Variants in VDR observed in about 807,000 individuals in gnomAD.
The protein encoded by VDR is vitamin D3 receptor.
VDR carries 19 observed loss-of-function variants against 39.7 expected under a neutral mutation model. The ratio of observed to expected loss-of-function variants is 0.48; its 90% confidence interval spans 0.33 to 0.70. The LOEUF (loss-of-function observed/expected upper bound fraction) is 0.70, where lower values mean the gene tolerates loss of function less well. VDR is among the 30% of genes least tolerant of loss of function. The pLI, the probability that VDR is intolerant of heterozygous loss-of-function variation, is 0.02. For synonymous variants in VDR, 242 were observed against 215.8 expected (o/e 1.12, Z -1.07); for missense variants, 442 against 570.5 (o/e 0.77, Z 2.29).
rs770243189 is a variant in VDR, at chr12:47,865,092, C to A, written c.232G>T (p.Ala78Ser). The A allele has an allele frequency of 4.3e-6, 7 of 1,613,978 alleles. No homozygotes were observed. Among genetic ancestry groups the A allele is most frequent in the Non-Finnish European group, 5.9e-6 (7 of 1,179,834 alleles). The change falls in exon 4 of 10, where the codon GCC (alanine) becomes TCC (serine). Residue 78 changes from alanine (A) to serine (S), a missense_variant. Around this residue, in one of 5 missense-constraint regions of VDR, gnomAD observed 141 missense variants for 141.3 expected, o/e 1.00. Coordinates refer to ENST00000549336, the MANE Select transcript of VDR (RefSeq NM_000376.3). ...TCCACACAGCGTTTGAGCCGGCAGG[C>A]CTGGCAGTGGCGTCGGTTGTCCTTG... ...ITKDNRRHCQ[A>S]CRLKRCVDIG...
At chr12:47,900,842 C>T (rs1056242089) in intron 1 of VDR, among the ~76,000 whole-genome samples, 5 of 152,206 alleles carry the variant, frequency 3.3e-5, no homozygotes, top group Admixed American at 6.5e-5. Flanking sequence ...CGCTTTCCCG[C>T]CGGTGCAGCT....
chr12:47,851,289 C>T (rs1270144204), intron 7 of VDR, among the ~76,000 whole-genome samples: 1 of 152,158 alleles, frequency 6.6e-6, no homozygotes, highest in East Asian at 1.9e-4. Flanking sequence ...CCACCTCCTC[C>T]ATGCATTTCA....
At chr12:47,859,043 C>T (rs1945553837) in intron 4 of VDR, among the ~76,000 whole-genome samples, 1 of 152,232 alleles carries the variant, frequency 6.6e-6, no homozygotes, top group South Asian at 2.1e-4. Context: ...GCCAACTCTC[C>T]TCCCACAGTG....
At chr12:47,874,239 C>T (rs1261358165) in intron 3 of VDR, among the ~76,000 whole-genome samples, 2 of 152,140 alleles carry the variant, frequency 1.3e-5, no homozygotes, top group Non-Finnish European at 2.9e-5. Flanking sequence ...GGTCAGCTGC[C>T]AAAGTGGACC....
At chr12:47,873,346 G>GTTTTTTTTT (rs1945924855) in intron 3 of VDR, among the ~76,000 whole-genome samples, 2 of 80,532 alleles carry the variant, frequency 2.5e-5, no homozygotes, top group East Asian at 5.5e-4. Flanking sequence ...AATTAAACCT[G>GTTTTTTTTT]TTTTCTTTTT....
intron 7 of VDR, among the ~76,000 whole-genome samples, chr12:47,855,378 G>T (rs11574092): frequency 6.2e-4 from 89 of 142,420 alleles, no homozygotes; most frequent in African/African-American, 2.3e-3. Context: ...AAATTAGCCG[G>T]GCGTGGTGTC....
chr12:47,856,306 T>G (rs978098470), intron 6 of VDR, among the ~76,000 whole-genome samples: 8 of 152,326 alleles, frequency 5.3e-5, no homozygotes, highest in African/African-American at 1.9e-4. Flanking sequence ...CTATTTGACA[T>G]TAGTCAAATA....
At chr12:47,873,596 C>T (rs900336114) in intron 3 of VDR, among the ~76,000 whole-genome samples, 5 of 151,596 alleles carry the variant, frequency 3.3e-5, no homozygotes, top group African/African-American at 1.2e-4. Context: ...CTCCTGACCT[C>T]GTGATCCGCC....
intron 7 of VDR, among the ~76,000 whole-genome samples, chr12:47,853,910 G>A (rs1195937203): frequency 2.6e-5 from 4 of 151,346 alleles, no homozygotes; most frequent in African/African-American, 7.3e-5. Context: ...TGAAAAGAGC[G>A]AAACCGTCTC....
chr12:47,854,073 A>G (rs1051782634), intron 7 of VDR, among the ~76,000 whole-genome samples: 1 of 152,248 alleles, frequency 6.6e-6, no homozygotes, highest in Admixed American at 6.5e-5. Flanking sequence ...AGAACTCCTT[A>G]TACTTATATA....
intron 3 of VDR, among the ~76,000 whole-genome samples, chr12:47,877,984 C>T (rs996643301): frequency 6.6e-6 from 1 of 152,196 alleles, no homozygotes. Context: ...GACAGAGAGA[C>T]CCCAAGTCCT....
chr12:47,856,470 A>G (rs1196025804), intron 6 of VDR, among the ~76,000 whole-genome samples: 2 of 152,204 alleles, frequency 1.3e-5, no homozygotes, highest in Non-Finnish European at 2.9e-5. Context: ...GATTAGGTAC[A>G]TTATTGTATT....
At position 47,844,760 on chromosome 12, in the gene VDR, T is replaced by C. The variant is rs758607336; in HGVS notation, c.1270A>G (p.Asn424Asp). Residue 424 changes from asparagine (N) to aspartate (D), a missense_variant, in exon 10 of 10, where the codon AAT (asparagine) becomes GAT (aspartate). Asn to Asp is a conservative substitution (Grantham distance 23). Transcript: ENST00000549336. ...LTPLVLEVFG[N>D]EIS is the part of the protein sequence containing the mutation. ...GGCTGTCCTAGTCAGGAGATCTCAT[T>C]GCCAAACACTTCGAGCACAAGGGGC... is the stretch of plus-strand genomic sequence containing the variant. 6.2e-7 allele frequency: 1 copy of C among 1,614,040 alleles called. No homozygotes were observed. The highest frequency in any genetic ancestry group is 8.5e-7 in the Non-Finnish European group (1 of 1,179,986).
Position 47,846,467 on chromosome 12 carries a change from G to C in VDR, c.908-16C>G. 6.4e-7 allele frequency: 1 copy of C among 1,559,842 alleles called. No individual in the cohort carries two copies. Among genetic ancestry groups the C allele is most frequent in the Non-Finnish European group, 8.7e-7 (1 of 1,152,052 alleles). On this transcript the variant is annotated splice_polypyrimidine_tract_variant and intron_variant, in intron 8 of 9. Coordinates refer to ENST00000549336, the MANE Select transcript of VDR (RefSeq NM_000376.3). ...CTGTGTCCGGCTGTGAGAGACAATGGCCAGGTACTGCGGGCAGAGCTGAGG... is the reference window on the plus strand; with the variant it reads ...CTGTGTCCGGCTGTGAGAGACAATGCCCAGGTACTGCGGGCAGAGCTGAGG...
intron 3 of VDR, among the ~76,000 whole-genome samples, chr12:47,872,705 TG>T (rs1031519121): frequency 2.8e-4 from 43 of 152,326 alleles, no homozygotes; most frequent in African/African-American, 9.1e-4. Context: ...TAACTCCTTC[TG>T]TTTAGGAACC....
In VDR at chr12:47,876,957, G is replaced by T. The variant is rs536431618; in HGVS notation, c.146+2011C>A. Among the ~76,000 whole-genome samples the T allele has an allele frequency of 2.6e-3, 396 of 152,298 alleles. 2 individuals are homozygous for T. Among genetic ancestry groups the T allele is most frequent in the African/African-American group, 9.0e-3 (376 of 41,566 alleles). ...CCTAGGAGGAGAGAGTGGATTTGGG[G>T]GTAGAGACTCCATAACCAAATGCTT... On this transcript the variant is annotated intron_variant, in intron 3 of 9. Coordinates refer to ENST00000549336, the MANE Select transcript of VDR (RefSeq NM_000376.3).
At chr12:47,869,424 T>A (rs1658565977) in intron 3 of VDR, among the ~76,000 whole-genome samples, 2 of 150,610 alleles carry the variant, frequency 1.3e-5, no homozygotes, top group South Asian at 4.2e-4. Context: ...TAGTCCCAGC[T>A]ACTCGGGAGG....
chr12:47,880,277 G>A (rs1000508418), intron 2 of VDR, among the ~76,000 whole-genome samples: 18 of 152,256 alleles, frequency 1.2e-4, no homozygotes, highest in African/African-American at 3.9e-4. Context: ...CTGCCCTTGG[G>A]TGACAGAGGC....
intron 1 of VDR, among the ~76,000 whole-genome samples, chr12:47,884,153 G>A (rs1946212442): frequency 6.6e-6 from 1 of 152,162 alleles, no homozygotes; most frequent in Non-Finnish European, 1.5e-5. Context: ...GTGGGGACCG[G>A]GTGGATGCAG....
Sources: gnomAD v4.1 joint callset for allele counts (sites outside exome capture counted in the v4.1 genomes callset) on GRCh38, gnomAD v4.1.1 for gene constraint, gnomAD v4.1.1 regional missense constraint, MANE v1.5 for transcripts, NCBI Gene and HGNC (gene_info 2026-07-23, HGNC 2026-07-21) for gene names.